Variants in MAPK10 observed in about 807,000 individuals in gnomAD.
MAPK10 encodes the protein mitogen-activated protein kinase 10, also known as JNK3 alpha protein kinase.
Under a neutral mutation model 59.3 loss-of-function variants are expected in MAPK10, and 25 were observed. That is an observed-to-expected ratio of 0.42 (90% CI 0.31 to 0.59). The LOEUF (loss-of-function observed/expected upper bound fraction) is 0.59. Ranked by LOEUF, MAPK10 falls within the 20% of genes least tolerant of loss-of-function variation. MAPK10 has a pLI of 0.15. For synonymous variants in MAPK10, 190 were observed against 200.5 expected (o/e 0.95, Z 0.44); for missense variants, 351 against 568.9 (o/e 0.62, Z 3.90).
rs1316431444 is a variant in MAPK10, at chr4:86,101,221, A to G, written c.565-4T>C. On this transcript the variant is annotated splice_region_variant and splice_polypyrimidine_tract_variant and intron_variant, in intron 7 of 13. Transcript: ENST00000641462. Reference sequence around the variant, plus strand: ...CAATGTTACTTGGTTTTAAATCCTAACAGTAAGGATAAGGGAAAAAATTAA... The same window carrying G: ...CAATGTTACTTGGTTTTAAATCCTAGCAGTAAGGATAAGGGAAAAAATTAA... 6.2e-7 allele frequency: 1 copy of G among 1,612,344 alleles called. No individual in the cohort carries two copies. Among genetic ancestry groups the G allele is most frequent in the East Asian group, 2.2e-5 (1 of 44,798 alleles).
At chr4:86,229,811 T>A (rs1157097610) in intron 2 of MAPK10, among the ~76,000 whole-genome samples, 1 of 152,030 alleles carries the variant, frequency 6.6e-6, no homozygotes, top group Non-Finnish European at 1.5e-5. Context: ...ACCACGGCAC[T>A]TTGTGAAGCT....
chr4:86,456,877 T>C (rs1489530194), upstream of MAPK10, among the ~76,000 whole-genome samples: 1 of 152,006 alleles, frequency 6.6e-6, no homozygotes, highest in African/African-American at 2.4e-5. Flanking sequence ...CAGACCAATA[T>C]CCCTGATGAA....
intron 2 of MAPK10, among the ~76,000 whole-genome samples, chr4:86,217,448 C>G (rs988248070): frequency 1.3e-5 from 2 of 152,178 alleles, no homozygotes; most frequent in African/African-American, 4.8e-5. Flanking sequence ...AGTATCCAAA[C>G]TGTTATTTTT....
At chr4:86,541,889 A>C (rs1002147620) in intron 1 of MAPK10, among the ~76,000 whole-genome samples, 2 of 151,934 alleles carry the variant, frequency 1.3e-5, no homozygotes, top group African/African-American at 4.8e-5. Context: ...CTAAAGAAAG[A>C]AGCCCAGCTG....
At chr4:86,163,786 G>C (rs76474048) in intron 3 of MAPK10, among the ~76,000 whole-genome samples, 12,863 of 152,108 alleles carry the variant, frequency 0.085, 1,195 homozygotes, top group African/African-American at 0.23. Context: ...AAGTCAAAAA[G>C]TGGAAGCAAT....
Position 86,014,587 on chromosome 4 carries a change from A to T in MAPK10, c.*2641T>A, listed in dbSNP as rs558307412. 9 of 152,220 alleles carry T rather than the reference A, an allele frequency of 5.9e-5. No homozygotes were observed. The highest frequency in any genetic ancestry group is 1.2e-4 in the Non-Finnish European group (8 of 68,008). 9.4% of individuals were successfully genotyped at this position (152,220 alleles called of 1,614,324 possible). On this transcript the variant is annotated 3_prime_UTR_variant, in exon 14 of 14. Coordinates refer to ENST00000641462, the MANE Select transcript of MAPK10 (RefSeq NM_138982.4). ...TGTAAATGATACTTATATTCAAGGA[A>T]TTTGTTCCATTTTTCTCTTGTCCAT...
intron 2 of MAPK10, among the ~76,000 whole-genome samples, chr4:86,351,804 A>C (rs1212060411): frequency 6.6e-6 from 1 of 152,204 alleles, no homozygotes; most frequent in African/African-American, 2.4e-5. Context: ...AAGATGAACT[A>C]TTTGTAAAGT....
chr4:86,505,083 C>T (rs1001182471), intron 1 of MAPK10, among the ~76,000 whole-genome samples: 1 of 152,142 alleles, frequency 6.6e-6, no homozygotes, highest in African/African-American at 2.4e-5. Context: ...CAAATAGCAA[C>T]CATCACATAA....
intron 7 of MAPK10, 44 bp downstream of exon 7, chr4:86,101,850 C>T: frequency 1.2e-6 from 2 of 1,603,574 alleles, no homozygotes; most frequent in Non-Finnish European, 1.7e-6. Context: ...GTTACTCTTC[C>T]TCTTAAAGCA....
At chr4:86,242,294 G>C (rs897171931) in intron 2 of MAPK10, among the ~76,000 whole-genome samples, 1 of 152,146 alleles carries the variant, frequency 6.6e-6, no homozygotes, top group African/African-American at 2.4e-5. Context: ...CCCATATAGA[G>C]TGTCTGACAA....
upstream of MAPK10, among the ~76,000 whole-genome samples, chr4:86,457,501 C>T (rs947800962): frequency 6.6e-6 from 1 of 152,204 alleles, no homozygotes; most frequent in African/African-American, 2.4e-5. Context: ...AATAGCTCTT[C>T]TATACACCAA....
intron 1 of MAPK10, among the ~76,000 whole-genome samples, chr4:86,524,075 C>A (rs974115336): frequency 6.6e-6 from 1 of 152,168 alleles, no homozygotes; most frequent in East Asian, 1.9e-4. Flanking sequence ...CCCACCCTTT[C>A]TCTTGCTTCC....
At chr4:86,103,754 G>A (rs2056014805) in intron 5 of MAPK10, among the ~76,000 whole-genome samples, 1 of 151,032 alleles carries the variant, frequency 6.6e-6, no homozygotes, top group Non-Finnish European at 1.5e-5. Context: ...ATATGTGTGG[G>A]GAAAGGTGCA....
At chr4:86,363,970 T>C (rs1003595369), upstream of MAPK10, among the ~76,000 whole-genome samples, 1 of 152,070 alleles carries the variant, frequency 6.6e-6, no homozygotes, top group Non-Finnish European at 1.5e-5. Flanking sequence ...TTAGCAGAGA[T>C]GAGGTCTAAG....
intron 1 of MAPK10, among the ~76,000 whole-genome samples, chr4:86,381,250 C>T (rs1740664086): frequency 6.6e-6 from 1 of 152,148 alleles, no homozygotes; most frequent in African/African-American, 2.4e-5. Flanking sequence ...CCCTTCACTA[C>T]CCTCCTGGCC....
intron 11 of MAPK10, among the ~76,000 whole-genome samples, chr4:86,035,549 T>A (rs1214318255): frequency 2.7e-5 from 4 of 147,834 alleles, no homozygotes; most frequent in Non-Finnish European, 3.0e-5. Context: ...TATAAAAAAA[T>A]ATTGAAAGTT....
chr4:86,532,727 T>C (rs1757937791), intron 1 of MAPK10, among the ~76,000 whole-genome samples: 1 of 152,176 alleles, frequency 6.6e-6, no homozygotes, highest in Non-Finnish European at 1.5e-5. Flanking sequence ...TTCCCTCCAC[T>C]TTTCTGAATC....
chr4:86,216,655 T>A (rs1406532233), intron 2 of MAPK10, among the ~76,000 whole-genome samples: 1 of 151,952 alleles, frequency 6.6e-6, no homozygotes, highest in East Asian at 1.9e-4. Context: ...AAACACTAAA[T>A]GTTCAATAAA....
chr4:86,472,962 A>G (rs1752773684), intron 1 of MAPK10, among the ~76,000 whole-genome samples: 1 of 152,102 alleles, frequency 6.6e-6, no homozygotes, highest in African/African-American at 2.4e-5. Context: ...CACAGTGTGG[A>G]GTGTACTTTC....
Sources: allele counts gnomAD v4.1 joint callset (sites outside exome capture counted in the v4.1 genomes callset), GRCh38; gene constraint gnomAD v4.1.1; transcripts MANE v1.5; gene names NCBI Gene and HGNC (gene_info 2026-07-23, HGNC 2026-07-21).